CCSER2: variants seen among roughly 807,000 people sequenced by gnomAD.
The protein encoded by CCSER2 is coiled-coil serine rich protein 2, also known as serine-rich coiled-coil domain-containing protein 2.
In CCSER2, 46 loss-of-function variants were observed where a neutral mutation model predicts 92.3. That is an observed-to-expected ratio of 0.50 (90% CI 0.39 to 0.64). CCSER2 has a LOEUF of 0.64. Ranked by LOEUF, CCSER2 falls within the 30% of genes least tolerant of loss-of-function variation. The pLI is 0.00. For missense variants in CCSER2, 1,244 were observed against 1,238.9 expected (o/e 1.00, Z -0.06); for synonymous variants, 433 against 431.4 (o/e 1.00, Z -0.04).
At chr10:84,449,407 G>A (rs964617355) in intron 6 of CCSER2, among the ~76,000 whole-genome samples, 1 of 151,776 alleles carries the variant, frequency 6.6e-6, no homozygotes, top group Non-Finnish European at 1.5e-5. Context: ...ATTCCAAGGT[G>A]GAGTTTTGGG....
At chr10:84,335,410 T>C (rs144474455) in intron 1 of CCSER2, among the ~76,000 whole-genome samples, 4 of 151,526 alleles carry the variant, frequency 2.6e-5, no homozygotes, top group Non-Finnish European at 5.9e-5. Flanking sequence ...GCCTGGCTAA[T>C]TTTAAAAATT....
chr10:84,507,572 C>G (rs1373694259), intron 9 of CCSER2, among the ~76,000 whole-genome samples: 1 of 152,106 alleles, frequency 6.6e-6, no homozygotes, highest in Non-Finnish European at 1.5e-5. Flanking sequence ...AGCATTATTA[C>G]ACTTTAGAAC....
chr10:84,426,697 T>C (rs567728618), intron 5 of CCSER2, among the ~76,000 whole-genome samples: 197 of 152,262 alleles, frequency 1.3e-3, no homozygotes, highest in Admixed American at 2.6e-3. Flanking sequence ...GTACAATTGG[T>C]TTAAAGAAAT....
chr10:84,489,918 C>T (rs982975952), intron 9 of CCSER2, among the ~76,000 whole-genome samples: 1 of 152,130 alleles, frequency 6.6e-6, no homozygotes, highest in Non-Finnish European at 1.5e-5. Flanking sequence ...TTCAGGAGCT[C>T]TTTTAGGGCA....
intron 1 of CCSER2, among the ~76,000 whole-genome samples, chr10:84,369,671 CATTT>C (rs1226287772): frequency 1.3e-5 from 2 of 151,834 alleles, no homozygotes; most frequent in African/African-American, 4.8e-5. Flanking sequence ...AATTAGGTCT[CATTT>C]ATTTTTTTGT....
intron 3 of CCSER2, among the ~76,000 whole-genome samples, chr10:84,381,789 G>T (rs1385881871): frequency 6.6e-6 from 1 of 152,084 alleles, no homozygotes; most frequent in East Asian, 1.9e-4. Flanking sequence ...TAAGCCGAGT[G>T]TGGTGGCACG....
chr10:84,514,227 C>A lies in CCSER2; in HGVS notation c.3104C>A (p.Ser1035Tyr). 6.5e-7 allele frequency: 1 copy of A among 1,536,466 alleles called. No homozygotes were observed. The highest frequency in any genetic ancestry group is 1.2e-5 in the South Asian group (1 of 84,048). ...TTGCATTCTGGGGATTGTTTGGCCTCTAATCGATATTCTCGTCTTCCTAAA... is the reference window on the plus strand; with the variant it reads ...TTGCATTCTGGGGATTGTTTGGCCTATAATCGATATTCTCGTCTTCCTAAA... Reference protein sequence around the residue: ...GNLHSGDCLASNRYSRLPKPK... With the variant: ...GNLHSGDCLAYNRYSRLPKPK... Residue 1035 changes from serine to tyrosine, a missense_variant, in exon 10 of 10, where the codon TCT becomes TAT. Ser to Tyr is a moderately radical substitution (Grantham distance 144, BLOSUM62 -2). Transcript: ENST00000372088.
intron 1 of CCSER2, among the ~76,000 whole-genome samples, chr10:84,347,254 CCAT>C (rs1329375187): frequency 6.6e-6 from 1 of 152,238 alleles, no homozygotes; most frequent in Non-Finnish European, 1.5e-5. Context: ...TTTGACAAAA[CCAT>C]CGTCATCATG....
chr10:84,477,280 TC>T (rs1847205394), intron 8 of CCSER2, among the ~76,000 whole-genome samples: 1 of 152,116 alleles, frequency 6.6e-6, no homozygotes, highest in South Asian at 2.1e-4. Context: ...TCAAACCCAC[TC>T]CCTGAATAAG....
chr10:84,379,193 T>G (rs1407075110), intron 3 of CCSER2, among the ~76,000 whole-genome samples: 1 of 152,188 alleles, frequency 6.6e-6, no homozygotes, highest in East Asian at 1.9e-4. Context: ...TTCGTGTTGG[T>G]TTTTGAAAAT....
chr10:84,399,702 C>T (rs1364228086), intron 3 of CCSER2, among the ~76,000 whole-genome samples: 1 of 151,826 alleles, frequency 6.6e-6, no homozygotes, highest in Non-Finnish European at 1.5e-5. Context: ...TTTTCTAGAA[C>T]TTCTAATAAT....
At chr10:84,350,595 G>A (rs1564588102) in intron 1 of CCSER2, among the ~76,000 whole-genome samples, 1 of 152,184 alleles carries the variant, frequency 6.6e-6, no homozygotes, top group African/African-American at 2.4e-5. Context: ...TCTCTGTCAA[G>A]TGCTTATCTA....
At chr10:84,439,434 T>C (rs1844392432) in intron 6 of CCSER2, among the ~76,000 whole-genome samples, 1 of 152,244 alleles carries the variant, frequency 6.6e-6, no homozygotes, top group South Asian at 2.1e-4. Flanking sequence ...TAGCCAACTT[T>C]AGCTTAAAAC....
At chr10:84,334,501 G>T (rs1843729850) in intron 1 of CCSER2, among the ~76,000 whole-genome samples, 1 of 152,064 alleles carries the variant, frequency 6.6e-6, no homozygotes, top group South Asian at 2.1e-4. Flanking sequence ...AAAGACTTCT[G>T]GTTGATTATA....
intron 9 of CCSER2, 78 bp from the exon 10 acceptor site, chr10:84,513,371 C>A: frequency 9.1e-7 from 1 of 1,096,498 alleles, no homozygotes; most frequent in Non-Finnish European, 1.3e-6. Context: ...AGTACCAACA[C>A]AGCCTAATTG....
At chr10:84,385,514 C>T (rs905460709) in intron 3 of CCSER2, among the ~76,000 whole-genome samples, 7 of 152,148 alleles carry the variant, frequency 4.6e-5, no homozygotes, top group African/African-American at 1.7e-4. Flanking sequence ...GGAAAGGACA[C>T]CCTATTCAGT....
At chr10:84,417,189 A>G (rs373550728) in intron 3 of CCSER2, among the ~76,000 whole-genome samples, 1 of 152,210 alleles carries the variant, frequency 6.6e-6, no homozygotes, top group African/African-American at 2.4e-5. Flanking sequence ...GATAATAGCT[A>G]GTAAGGTTGC....
intron 6 of CCSER2, among the ~76,000 whole-genome samples, chr10:84,453,371 CACAAAATTGAG>C (rs1253461829): frequency 6.6e-6 from 1 of 152,126 alleles, no homozygotes; most frequent in African/African-American, 2.4e-5. Flanking sequence ...TTGGGCAAGA[CACAAAATTGAG>C]GCTATTATGT....
intron 3 of CCSER2, among the ~76,000 whole-genome samples, chr10:84,377,042 T>A (rs1846375409): frequency 1.3e-5 from 2 of 152,152 alleles, no homozygotes; most frequent in South Asian, 4.1e-4. Flanking sequence ...ATTCTTCATA[T>A]TTTTTGACAT....
Sources: allele counts gnomAD v4.1 joint callset (sites outside exome capture counted in the v4.1 genomes callset), GRCh38; gene constraint gnomAD v4.1.1; transcripts MANE v1.5; gene names NCBI Gene and HGNC (gene_info 2026-07-23, HGNC 2026-07-21).